Variants in ESR1 observed in about 807,000 individuals in gnomAD.
The protein encoded by ESR1 is estrogen receptor 1.
Under a neutral mutation model 52.7 loss-of-function variants are expected in ESR1, and 12 were observed. The observed-to-expected ratio is 0.23, with a 90% CI of 0.15 to 0.37. ESR1 has a LOEUF of 0.37. Ranked by LOEUF, ESR1 falls within the 10% of genes least tolerant of loss-of-function variation. ESR1 has a pLI of 1.00. For missense variants in ESR1, 584 were observed against 779.7 expected, an observed-to-expected ratio of 0.75 and a Z score of 2.99; for synonymous variants, 305 against 316.8, an observed-to-expected ratio of 0.96 and a Z score of 0.39.
chr6:151,664,112 A>T (rs1777736120), intron 1 of ESR1, among the ~76,000 whole-genome samples: 3 of 152,198 alleles, frequency 2.0e-5, no homozygotes, highest in Non-Finnish European at 4.4e-5. Flanking sequence ...AAAGGTAAGC[A>T]TACTTAGAAG....
At chr6:151,865,178 C>T (rs751857907) in intron 2 of ESR1, among the ~76,000 whole-genome samples, 5 of 152,158 alleles carry the variant, frequency 3.3e-5, no homozygotes, top group African/African-American at 7.2e-5. Context: ...CACACACACA[C>T]ACCCCACACA....
upstream of ESR1, among the ~76,000 whole-genome samples, chr6:151,686,696 C>A (rs1250729335): frequency 9.7e-6 from 1 of 103,584 alleles, no homozygotes; most frequent in African/African-American, 5.7e-5. Context: ...TCAAAACCAA[C>A]CAACCAACCA....
intron 2 of ESR1, among the ~76,000 whole-genome samples, chr6:151,861,567 T>C (rs867975756): frequency 2.6e-5 from 4 of 152,136 alleles, no homozygotes; most frequent in African/African-American, 7.2e-5. Context: ...GCATTGTCCT[T>C]TAACCTGCCG....
chr6:151,740,723 C>T (rs1407511865), intron 2 of ESR1, among the ~76,000 whole-genome samples: 1 of 152,028 alleles, frequency 6.6e-6, no homozygotes. Flanking sequence ...CTGCCTGTGT[C>T]TATGTTAACC....
chr6:151,959,419 A>G (rs2037395902), intron 4 of ESR1, among the ~76,000 whole-genome samples: 1 of 152,108 alleles, frequency 6.6e-6, no homozygotes, highest in African/African-American at 2.4e-5. Context: ...TTTCCTTTTA[A>G]AAAAAGTTTC....
At chr6:151,957,938 T>C (rs1274842348) in intron 4 of ESR1, among the ~76,000 whole-genome samples, 2 of 152,234 alleles carry the variant, frequency 1.3e-5, no homozygotes, top group Admixed American at 6.5e-5. Flanking sequence ...TCCCTTATCC[T>C]GGGACAGGCT....
At chr6:151,834,919 G>C (rs953717282) in intron 1 of ESR1, among the ~76,000 whole-genome samples, 1 of 152,020 alleles carries the variant, frequency 6.6e-6, no homozygotes, top group African/African-American at 2.4e-5. Flanking sequence ...GGCCTTCCAG[G>C]TCACGGAAGG....
At chr6:152,056,149 C>T (rs766866315) in intron 5 of ESR1, among the ~76,000 whole-genome samples, 4 of 152,188 alleles carry the variant, frequency 2.6e-5, no homozygotes, top group Non-Finnish European at 4.4e-5. Flanking sequence ...TTTCCATCTT[C>T]ATCACTTTCT....
intron 2 of ESR1, among the ~76,000 whole-genome samples, chr6:151,854,137 C>A (rs1030774908): frequency 6.6e-6 from 1 of 152,124 alleles, no homozygotes; most frequent in Non-Finnish European, 1.5e-5. Context: ...GTATTTTAGA[C>A]GTAGGTTGCT....
chr6:151,998,294 C>T (rs2041665283), intron 4 of ESR1, among the ~76,000 whole-genome samples: 1 of 152,042 alleles, frequency 6.6e-6, no homozygotes, highest in South Asian at 2.1e-4. Flanking sequence ...CACATAGCCT[C>T]AAATATAATG....
At chr6:151,954,277 T>C (rs1186745869) in intron 4 of ESR1, among the ~76,000 whole-genome samples, 3 of 152,236 alleles carry the variant, frequency 2.0e-5, no homozygotes, top group Non-Finnish European at 4.4e-5. Context: ...CTTGACGTGT[T>C]AAAATCTAAG....
intron 7 of ESR1, among the ~76,000 whole-genome samples, chr6:152,097,184 A>G (rs542875803): frequency 3.3e-5 from 5 of 152,154 alleles, no homozygotes; most frequent in Admixed American, 6.6e-5. Context: ...ACACATACAC[A>G]CACACACAAT....
At chr6:152,128,390 T>A (rs2054258177) in exon 7 of ESR1, 1 of 152,216 alleles carries the variant, frequency 6.6e-6, no homozygotes, top group Admixed American at 6.5e-5. Context: ...CTTTTAATGG[T>A]AGGAATCACA....
intron 3 of ESR1, among the ~76,000 whole-genome samples, chr6:151,910,966 C>T (rs1798169168): frequency 6.6e-6 from 1 of 152,078 alleles, no homozygotes. Flanking sequence ...ATTAGGTTCT[C>T]ATAAGGAGCA....
chr6:152,004,434 C>A (rs565522456), intron 4 of ESR1, among the ~76,000 whole-genome samples: 1 of 151,892 alleles, frequency 6.6e-6, no homozygotes, highest in African/African-American at 2.4e-5. Flanking sequence ...AGCCACTCAT[C>A]GTATTTAAGG....
chr6:151,763,803 C>T lies in ESR1; in HGVS notation c.-70-44040C>T, dbSNP rs184129078. 1.5e-3 allele frequency among the ~76,000 whole-genome samples: 229 copies of T among 152,278 alleles called. 2 individuals carry two copies. The highest frequency in any genetic ancestry group is 2.1e-3 in the Non-Finnish European group (144 of 68,028). On this transcript the variant is annotated intron_variant, in intron 2 of 2. Transcript: ENST00000404742. ...CAGAAATACAAGAATGAACAAGACT[C>T]CTGACTTAAGCTTACAGCTGATGGG...
intron 3 of ESR1, among the ~76,000 whole-genome samples, chr6:151,933,502 G>A (rs1294577764): frequency 2.0e-5 from 3 of 151,024 alleles, no homozygotes; most frequent in Non-Finnish European, 2.9e-5. Flanking sequence ...TTGAATAGGA[G>A]CGGTGAGAGA....
chr6:151,847,102 C>T (rs923037237), intron 2 of ESR1, among the ~76,000 whole-genome samples: 1 of 152,108 alleles, frequency 6.6e-6, no homozygotes, highest in Non-Finnish European at 1.5e-5. Context: ...ATAGCCCAGG[C>T]AAGTATTGAT....
intron 2 of ESR1, among the ~76,000 whole-genome samples, chr6:151,793,497 TTTA>T (rs1424796077): frequency 6.6e-6 from 1 of 152,246 alleles, no homozygotes; most frequent in Non-Finnish European, 1.5e-5. Flanking sequence ...CATATAGTCA[TTTA>T]TTATCATAAT....
Sources: gnomAD v4.1 joint callset for allele counts (sites outside exome capture counted in the v4.1 genomes callset) on GRCh38, gnomAD v4.1.1 for gene constraint, MANE v1.5 for transcripts, NCBI Gene and HGNC (gene_info 2026-07-23, HGNC 2026-07-21) for gene names.